TMC8: variants seen among roughly 807,000 people sequenced by gnomAD.
TMC8 encodes transmembrane channel-like protein 8.
Under a neutral mutation model 76.0 loss-of-function variants are expected in TMC8, and 71 were observed. The observed-to-expected ratio is 0.93, with a 90% CI of 0.77 to 1.14. TMC8 has a LOEUF of 1.14. TMC8 is among the 50% of genes most tolerant of loss of function. TMC8 has a pLI of 0.00. For synonymous variants in TMC8, 433 were observed against 433.8 expected, an observed-to-expected ratio of 1.00 and a Z score of 0.02; for missense variants, 924 against 947.9, an observed-to-expected ratio of 0.97 and a Z score of 0.33.
Position 78,131,687 on chromosome 17 carries a change from G to C in TMC8, c.99G>C (p.Gly33=). ...EAEMERLRGS[G]TPVRGLPYAM... Reference sequence around the variant, plus strand: ...AGATGGAGCGGCTGCGCGGCTCTGGGACGCCCGTGCGCGGGCTGCCCTATG... The same window carrying C: ...AGATGGAGCGGCTGCGCGGCTCTGGCACGCCCGTGCGCGGGCTGCCCTATG... Residue 33 remains glycine (G), a synonymous_variant, in exon 2 of 16, where the codon GGG becomes GGC. Coordinates refer to ENST00000318430, the MANE Select transcript of TMC8 (RefSeq NM_152468.5). 6.3e-7 allele frequency: 1 copy of C among 1,577,196 alleles called. No individual in the cohort carries two copies. The highest frequency in any genetic ancestry group is 8.6e-7 in the Non-Finnish European group (1 of 1,163,312).
chr17:78,136,022 C>A (rs142206118), intron 9 of TMC8, among the ~76,000 whole-genome samples: 1 of 152,184 alleles, frequency 6.6e-6, no homozygotes, highest in African/African-American at 2.4e-5. Flanking sequence ...CCACTACACT[C>A]CAGCCTGGGT....
chr17:78,141,055 G>C lies in TMC8; in HGVS notation c.2124G>C (p.Gln708His). 1.3e-6 allele frequency: 2 copies of C among 1,598,770 alleles called. No individual in the cohort carries two copies. Among genetic ancestry groups the C allele is most frequent in the Non-Finnish European group, 1.7e-6 (2 of 1,174,262 alleles). Reference protein sequence around the residue: ...AAGLRSPCPGQHGAPASARRF... With the variant: ...AAGLRSPCPGHHGAPASARRF... ...GACTGCGTTCCCCTTGCCCTGGACA[G>C]CACGGTGCCCCGGCCTCCGCCCGCA... The change falls in exon 16 of 16, where the codon CAG becomes CAC. Residue 708 changes from glutamine to histidine, a missense_variant. Transcript: ENST00000318430.
At position 78,133,909 on chromosome 17, in the gene TMC8, T is replaced by A; in HGVS notation, c.725T>A (p.Leu242His). The change falls in exon 7 of 16, where the codon CTC becomes CAC. Residue 242 changes from leucine to histidine, a missense_variant. Coordinates refer to ENST00000318430, the MANE Select transcript of TMC8 (RefSeq NM_152468.5). ...CTGGGTCAGGGCTATCAGGCGCCTC[T>A]CAGCGCCAAGGTCTTCTCCTCATGG... The part of the protein sequence containing the change: ...TLLGQGYQAP[L>H]SAKVFSSWDF... 2 of 1,613,554 alleles carry A rather than the reference T, an allele frequency of 1.2e-6. No homozygotes were observed. Among genetic ancestry groups the A allele is most frequent in the South Asian group, 1.1e-5 (1 of 91,086 alleles).
rs759201383 is a variant in TMC8, at chr17:78,133,884, C to G, written c.700C>G (p.Leu234Val). ...GAAGGGGCTGCCGCAGAAGACTCTG[C>G]TGGGTCAGGGCTATCAGGCGCCTCT... ...MVKGLPQKTLLGQGYQAPLSA... is the reference protein window; with the variant it reads ...MVKGLPQKTLVGQGYQAPLSA... Residue 234 changes from leucine to valine, a missense_variant, in exon 7 of 16, where the codon CTG (leucine) becomes GTG (valine). By Grantham distance (32) the Leu-to-Val change is conservative (BLOSUM62 1). Coordinates refer to ENST00000318430, the MANE Select transcript of TMC8 (RefSeq NM_152468.5). 1 of 1,613,410 alleles carries G rather than the reference C, an allele frequency of 6.2e-7. No homozygotes were observed. The highest frequency in any genetic ancestry group is 8.5e-7 in the Non-Finnish European group (1 of 1,180,038).
At position 78,132,474 on chromosome 17, in the gene TMC8, C is replaced by T; in HGVS notation, c.414C>T (p.Leu138=). ...TCGTGCTGCTGCCCCTGGTCTGGCT[C>T]CGCCCCCCTGACCCAGGCCCCACCC... is the stretch of plus-strand genomic sequence containing the variant. ...ASFVLLPLVW[L]RPPDPGPTLN... The change falls in exon 4 of 16, where the codon CTC becomes CTT. Residue 138 remains leucine (L), a synonymous_variant. Coordinates refer to ENST00000318430, the MANE Select transcript of TMC8 (RefSeq NM_152468.5). The T allele has an allele frequency of 6.2e-7, 1 of 1,611,870 alleles. No individual in the cohort carries two copies. Among genetic ancestry groups the T allele is most frequent in the East Asian group, 2.2e-5 (1 of 44,834 alleles).
Position 78,134,442 on chromosome 17 carries a change from C to T in TMC8, c.865C>T (p.Arg289Trp), listed in dbSNP as rs370405566. 177 of 1,613,498 alleles carry T rather than the reference C, an allele frequency of 1.1e-4. No individual in the cohort carries two copies. Among genetic ancestry groups the T allele is most frequent in the Middle Eastern group, 3.3e-4 (2 of 6,082 alleles). ...RRFQLMQQQT[R>W]AQTACRLLSY... is the part of the protein sequence containing the mutation. ...CTTCCAGCTGATGCAGCAGCAGACC[C>T]GGGCCCAGACGGCCTGCCGCCTGCT... The change falls in exon 8 of 16, where the codon CGG becomes TGG. Residue 289 changes from arginine (R) to tryptophan (W), a missense_variant. Physicochemically the swap from Arg to Trp is moderately radical, Grantham distance 101. Transcript: ENST00000318430.
In TMC8 at chr17:78,131,384, G is replaced by A. The variant is rs1410003666; in HGVS notation, c.-205G>A. ...TTCTCTCTCATTTCTGAGCCCCGGA[G>A]GTGGCAGAGCGGCAGACCCGGGCAA... On this transcript the variant is annotated 5_prime_UTR_variant, in exon 2 of 16. Transcript: ENST00000318430. 31 of 672,656 alleles carry A rather than the reference G, an allele frequency of 4.6e-5. No homozygotes were observed. The highest frequency in any genetic ancestry group is 6.5e-5 in the Non-Finnish European group (26 of 397,884). The allele number at this position is 672,656 out of a possible 1,614,324, so 41.7% of individuals were successfully genotyped here.
At chr17:78,131,234 C>T (rs531132629) in intron 1 of TMC8, 47 bp from the exon 2 acceptor site, 1 of 409,698 alleles carries the variant, frequency 2.4e-6, no homozygotes, top group Non-Finnish European at 4.5e-6. Flanking sequence ...TTGCCTGTGC[C>T]GGTCCAGACT....
In TMC8 at chr17:78,131,742, G is replaced by T; in HGVS notation, c.149+5G>T. ...GATGGACAAGCGCCTCATCTGGTGG[G>T]TGCCACGCGGGCGCCAGACGGTGCG... On this transcript the variant is annotated splice_donor_5th_base_variant and intron_variant, in intron 2 of 15. Transcript: ENST00000318430. 6.3e-7 allele frequency: 1 copy of T among 1,579,328 alleles called. No individual in the cohort carries two copies.
In TMC8 at chr17:78,141,396, T is replaced by G. The variant is rs2871647; in HGVS notation, c.*284T>G. On this transcript the variant is annotated 3_prime_UTR_variant, in exon 16 of 16. Transcript: ENST00000318430. ...CTTGAATGCGATTTTTTCTAGAATG[T>G]GTTCTGCTGATTTGTTTTAGAGCCA... The G allele has an allele frequency of 0.13, 38,438 of 306,008 alleles. 2,527 individuals carry two copies. Among genetic ancestry groups the G allele is most frequent in the Middle Eastern group, 0.18 (207 of 1,172 alleles). The allele number at this position is 306,008 out of a possible 1,614,324, so 19.0% of individuals were successfully genotyped here. A position where few individuals can be genotyped will look rare whatever the true frequency, so the allele number is the denominator to read the frequency against.
chr17:78,131,133 C>A (rs573323427), intron 1 of TMC8, 148 bp from the exon 2 acceptor site: 8 of 238,520 alleles, frequency 3.4e-5, no homozygotes, highest in Non-Finnish European at 5.9e-5. Context: ...GGGCAAACTG[C>A]CACGTGGAGA....
Position 78,134,890 on chromosome 17 carries a change from C to G in TMC8, c.1008C>G (p.Leu336=). Reference sequence around the variant, plus strand: ...CGCAGGAGTCCCTGTTTCTGCTGCTCCAGTACCTGCCCCCTGGGGTCATCG... The same window carrying G: ...CGCAGGAGTCCCTGTTTCTGCTGCTGCAGTACCTGCCCCCTGGGGTCATCG... ...DNKEESLFLL[L]QYLPPGVIAL... The change falls in exon 9 of 16, where the codon CTC becomes CTG. Residue 336 remains leucine, a synonymous_variant. Transcript: ENST00000318430. 6.2e-7 allele frequency: 1 copy of G among 1,614,116 alleles called. No individual in the cohort carries two copies. Among genetic ancestry groups the G allele is most frequent in the Non-Finnish European group, 8.5e-7 (1 of 1,180,016 alleles).
rs776097975 is a variant in TMC8, at chr17:78,141,087, G to T, written c.2156G>T (p.Arg719Leu). 1 of 1,581,898 alleles carries T rather than the reference G, an allele frequency of 6.3e-7. No homozygotes were observed. The highest frequency in any genetic ancestry group is 8.6e-7 in the Non-Finnish European group (1 of 1,168,538). ...GCCCCGGCCTCCGCCCGCAGATTCC[G>T]CTTCCCCAGCGGCGCGGAGCTGTAA... The part of the protein sequence containing the change: ...HGAPASARRF[R>L]FPSGAEL The change falls in exon 16 of 16, where the codon CGC becomes CTC. Residue 719 changes from arginine to leucine, a missense_variant. By Grantham distance (102) the Arg-to-Leu change is moderately radical (BLOSUM62 -2). Transcript: ENST00000318430.
intron 1 of TMC8, 35 bp from the exon 2 acceptor site, chr17:78,131,246 T>G (rs533487341): frequency 4.6e-6 from 2 of 437,986 alleles, no homozygotes; most frequent in East Asian, 4.9e-5. Flanking sequence ...GTCCAGACTT[T>G]CTGTGCCCTT....
In TMC8 at chr17:78,140,943, C is replaced by T. The variant is rs1298378832; in HGVS notation, c.2012C>T (p.Pro671Leu). ...PKYPASQASR[P>L]QSFCPGCPCP... Reference sequence around the variant, plus strand: ...TACCCTGCCTCCCAAGCTTCGCGCCCGCAGTCCTTCTGCCCCGGATGCCCA... The same window carrying T: ...TACCCTGCCTCCCAAGCTTCGCGCCTGCAGTCCTTCTGCCCCGGATGCCCA... The change falls in exon 16 of 16, where the codon CCG (proline) becomes CTG (leucine). Residue 671 changes from proline to leucine, a missense_variant. Coordinates refer to ENST00000318430, the MANE Select transcript of TMC8 (RefSeq NM_152468.5). 6.3e-7 allele frequency: 1 copy of T among 1,594,530 alleles called. No homozygotes were observed. The highest frequency in any genetic ancestry group is 1.3e-5 in the African/African-American group (1 of 74,554).
At chr17:78,137,594 C>A in intron 10 of TMC8, 123 bp from the exon 11 acceptor site, 1 of 1,142,536 alleles carries the variant, frequency 8.8e-7, no homozygotes, top group Non-Finnish European at 1.3e-6. Flanking sequence ...TGGGTTTCAA[C>A]CTAACGATTC....
Position 78,134,866 on chromosome 17 carries a change from G to A in TMC8, c.988-4G>A, listed in dbSNP as rs62079073. On this transcript the variant is annotated splice_region_variant and splice_polypyrimidine_tract_variant and intron_variant, in intron 8 of 15. Coordinates refer to ENST00000318430, the MANE Select transcript of TMC8 (RefSeq NM_152468.5). ...GGGCTCCCCTGACCTGCCTTTTCCC[G>A]CAGGAGTCCCTGTTTCTGCTGCTCC... 7.4e-4 allele frequency: 1,192 copies of A among 1,613,710 alleles called. 2 individuals carry two copies. The highest frequency in any genetic ancestry group is 1.5e-3 in the Middle Eastern group (9 of 6,046).
intron 3 of TMC8, 147 bp downstream of exon 3, chr17:78,132,177 C>T: frequency 7.1e-7 from 1 of 1,413,990 alleles, no homozygotes; most frequent in Non-Finnish European, 9.6e-7. Flanking sequence ...CTTCCGCCCG[C>T]AGGCACCGCA....
At chr17:78,132,998 C>T in intron 5 of TMC8, 128 bp downstream of exon 5, 1 of 1,077,664 alleles carries the variant, frequency 9.3e-7, no homozygotes, top group Non-Finnish European at 1.4e-6. Flanking sequence ...GATGGTCTTA[C>T]CTAGACAGAC....
Sources: allele counts gnomAD v4.1 joint callset (sites outside exome capture counted in the v4.1 genomes callset), GRCh38; gene constraint gnomAD v4.1.1; transcripts MANE v1.5; gene names NCBI Gene and HGNC (gene_info 2026-07-23, HGNC 2026-07-21).